Variants in SLC25A39 observed in about 807,000 individuals in gnomAD.
The protein encoded by SLC25A39 is solute carrier family 25 member 39.
In SLC25A39, 44 loss-of-function variants were observed where a neutral mutation model predicts 46.6. The ratio of observed to expected loss-of-function variants is 0.94; its 90% CI spans 0.74 to 1.21. The LOEUF is 1.21. Ranked by LOEUF, SLC25A39 falls within the 50% of genes most tolerant of loss-of-function variation. SLC25A39 has a pLI of 0.00. For synonymous variants in SLC25A39, 218 were observed against 190.6 expected, an observed-to-expected ratio of 1.14 and a Z score of -1.19; for missense variants, 487 against 473.0, an observed-to-expected ratio of 1.03 and a Z score of -0.28.
intron 5 of SLC25A39, 142 bp from the exon 6 acceptor site, chr17:44,321,909 AC>A: frequency 1.2e-6 from 1 of 803,190 alleles, no homozygotes; most frequent in Non-Finnish European, 2.0e-6. Flanking sequence ...CACATGCAGT[AC>A]CCCAGCAGCT....
Position 44,320,439 on chromosome 17 carries a change from G to A in SLC25A39, c.802-3C>T, listed in dbSNP as rs774126352. Reference sequence around the variant, plus strand: ...GGTAGAGTCAGCACTGCAGCCACCTGGTGGGGTGGGCGGGGAGAGGGCTCA... The same window carrying A: ...GGTAGAGTCAGCACTGCAGCCACCTAGTGGGGTGGGCGGGGAGAGGGCTCA... On this transcript the variant is annotated splice_region_variant and splice_polypyrimidine_tract_variant and intron_variant, in intron 9 of 11. Coordinates refer to ENST00000377095, the MANE Select transcript of SLC25A39 (RefSeq NM_001143780.3). The A allele has an allele frequency of 6.2e-7, 1 of 1,613,464 alleles. No individual in the cohort carries two copies. The highest frequency in any genetic ancestry group is 2.2e-5 in the East Asian group (1 of 44,880).
chr17:44,322,754 A>C, intron 4 of SLC25A39, 54 bp downstream of exon 4: 1 of 1,612,778 alleles, frequency 6.2e-7, no homozygotes, highest in Non-Finnish European at 8.5e-7. Context: ...GACAGGGACA[A>C]GGACTGTCTC....
chr17:44,323,448 C>CCCA (rs1567871755), intron 2 of SLC25A39, 30 bp downstream of exon 2: 15 of 1,333,798 alleles, frequency 1.1e-5, no homozygotes, highest in Admixed American at 6.8e-5. Context: ...CATCCCCACC[C>CCCA]GCCCCCACCC....
rs557074373 is a variant in SLC25A39 at position 44,321,039 on chromosome 17, C to T, written c.691+19G>A. 6.4e-7 allele frequency: 1 copy of T among 1,568,880 alleles called. No homozygotes were observed. Among genetic ancestry groups the T allele is most frequent in the African/African-American group, 1.4e-5 (1 of 73,802 alleles). ...ACCCCAGGGTTCCCTCACCCACCCCCTGCAGCTTGGGTGCCTACCTGAGAA... is the reference window on the plus strand; with the variant it reads ...ACCCCAGGGTTCCCTCACCCACCCCTTGCAGCTTGGGTGCCTACCTGAGAA... On this transcript the variant is annotated intron_variant, in intron 8 of 11. Transcript: ENST00000377095.
chr17:44,323,787 G>A lies in SLC25A39; in HGVS notation c.-15-210C>T, dbSNP rs2048139383. ...CTCCCAAGTAGCTGGGACTACAGGCGCGCACCACCACGCCTAGTTAATTTT... is the reference window on the plus strand; with the variant it reads ...CTCCCAAGTAGCTGGGACTACAGGCACGCACCACCACGCCTAGTTAATTTT... On this transcript the variant is annotated intron_variant, in intron 1 of 11. Transcript: ENST00000377095. The A allele has an allele frequency of 1.4e-5, 8 of 573,186 alleles. 1 individual carries two copies. In the South Asian group the frequency reaches 1.7e-4, roughly 12 times the overall value. 35.5% of individuals were successfully genotyped at this position (573,186 alleles called of 1,614,324 possible). A position where few individuals can be genotyped will look rare whatever the true frequency, so the allele number is the denominator to read the frequency against.
At position 44,321,523 on chromosome 17, in the gene SLC25A39, G is replaced by A; in HGVS notation, c.428C>T (p.Thr143Ile). 6.2e-7 allele frequency: 1 copy of A among 1,614,112 alleles called. No homozygotes were observed. The highest frequency in any genetic ancestry group is 8.5e-7 in the Non-Finnish European group (1 of 1,179,988). ...MTVPATAIYF[T>I]AYDQLKAFLC... The stretch of plus-strand genomic sequence containing the variant: ...GAAGGCCTTCAGTTGGTCATAGGCA[G>A]TGAAGTAGATGGCGGTAGCTGGCAC... The change falls in exon 7 of 12, where the codon ACT becomes ATT. Residue 143 changes from threonine to isoleucine, a missense_variant. By Grantham distance (89) the Thr-to-Ile change is moderately conservative (BLOSUM62 -1). Coordinates refer to ENST00000377095, the MANE Select transcript of SLC25A39 (RefSeq NM_001143780.3).
rs139302212 is a variant in SLC25A39, at chr17:44,321,550, G to A, written c.401C>T (p.Thr134Ile). The change falls in exon 7 of 12, where the codon ACT becomes ATT. Residue 134 changes from threonine (T) to isoleucine (I), a missense_variant. Transcript: ENST00000377095. ...WSGLPATLVM[T>I]VPATAIYFTA... is the part of the protein sequence containing the mutation. The stretch of plus-strand genomic sequence containing the variant: ...GAAGTAGATGGCGGTAGCTGGCACA[G>A]TCATCACCCTGGGGATACAGAGAGA... The A allele has an allele frequency of 3.1e-6, 5 of 1,614,052 alleles. No individual in the cohort carries two copies. Among genetic ancestry groups the A allele is most frequent in the East Asian group, 4.5e-5 (2 of 44,894 alleles).
chr17:44,323,439 A>AAGGCCCCCCCCCCCC, intron 2 of SLC25A39, 39 bp downstream of exon 2: 1 of 257,110 alleles, frequency 3.9e-6, no homozygotes, highest in Non-Finnish European at 5.7e-6. Flanking sequence ...GGTCTGCCCC[A>AAGGCCCCCCCCCCCC]TCCCCACCCG....
rs2048090738 is a variant in SLC25A39, at chr17:44,322,738, C to T, written c.190+70G>A. ...CCATGGCTGTGGAGCCCACTGGTGC[C>T]CTGGGGACAGGGACAAGGACTGTCT... On this transcript the variant is annotated intron_variant, in intron 4 of 11. Transcript: ENST00000377095. 1.1e-5 allele frequency: 18 copies of T among 1,607,924 alleles called. No homozygotes were observed. In the South Asian group the frequency reaches 1.8e-4, roughly 16 times the overall value.
rs757624318 is a variant in SLC25A39, at chr17:44,321,164, C to T, written c.585G>A (p.Ser195=). 6.2e-6 allele frequency: 10 copies of T among 1,612,924 alleles called. No homozygotes were observed. Among genetic ancestry groups the T allele is most frequent in the South Asian group, 2.2e-5 (2 of 91,082 alleles). Residue 195 remains serine, a synonymous_variant, in exon 8 of 12, where the codon TCG becomes TCA. Coordinates refer to ENST00000377095, the MANE Select transcript of SLC25A39 (RefSeq NM_001143780.3). ...MRTKLQAQHV[S]YRELGACVRT... ...GAACACAGGCACCCAGCTCCCGGTA[C>T]GACACATGCTGAGCCTGCAGCTTTG...
Position 44,321,070 on chromosome 17 carries a change from C to T in SLC25A39, c.679G>A (p.Val227Met), listed in dbSNP as rs2048014928. 2.5e-6 allele frequency: 4 copies of T among 1,601,162 alleles called. No homozygotes were observed. The South Asian group carries it at 3.4e-5, about 13-fold the overall frequency. Residue 227 changes from valine (V) to methionine (M), a missense_variant, in exon 8 of 12, where the codon GTG becomes ATG. Transcript: ENST00000377095. Reference protein sequence around the residue: ...LGWGPTALRDVPFSALYWFNY... With the variant: ...LGWGPTALRDMPFSALYWFNY... ...CTTGGGTGCCTACCTGAGAAGGGCACATCTCGAAGGGCAGTGGGGCCCCAG... is the reference window on the plus strand; with the variant it reads ...CTTGGGTGCCTACCTGAGAAGGGCATATCTCGAAGGGCAGTGGGGCCCCAG...
At position 44,321,217 on chromosome 17, in the gene SLC25A39, C is replaced by T. The variant is rs1310222794; in HGVS notation, c.532G>A (p.Val178Met). ...CGCATAAGCTCCAGGGGGCTGATCA[C>T]AGTCACGGTGCCCACTGTGTGGGGA... ...GALARLGTVT[V>M]ISPLELMRTK... Residue 178 changes from valine (V) to methionine (M), a missense_variant, in exon 8 of 12, where the codon GTG (valine) becomes ATG (methionine). Coordinates refer to ENST00000377095, the MANE Select transcript of SLC25A39 (RefSeq NM_001143780.3). 2 of 1,607,878 alleles carry T rather than the reference C, an allele frequency of 1.2e-6. No individual in the cohort carries two copies. Among genetic ancestry groups the T allele is most frequent in the Non-Finnish European group, 1.7e-6 (2 of 1,177,194 alleles).
rs1320610910 is a variant in SLC25A39 at position 44,320,200 on chromosome 17, A to G, written c.960T>C (p.Phe320=). The change falls in exon 11 of 12, where the codon TTT becomes TTC. Residue 320 remains phenylalanine, a synonymous_variant. Coordinates refer to ENST00000377095, the MANE Select transcript of SLC25A39 (RefSeq NM_001143780.3). ...CCCCGACACCCACACACTGACCTGC[A>G]AAGAGTCCCTTGGTGCCCGACTCGG... is the stretch of plus-strand genomic sequence containing the variant. ...IRAESGTKGL[F]AGFLPRIIKA... The G allele has an allele frequency of 3.1e-6, 5 of 1,613,826 alleles. No individual in the cohort carries two copies. Among genetic ancestry groups the G allele is most frequent in the Admixed American group, 1.7e-5 (1 of 60,000 alleles).
intron 1 of SLC25A39, chr17:44,324,474 C>T (rs2048165831): frequency 6.6e-6 from 1 of 152,286 alleles, no homozygotes; most frequent in Non-Finnish European, 1.5e-5. Context: ...AGAGCAGTCT[C>T]TGGGTTCCCG....
At chr17:44,323,613 G>A in intron 1 of SLC25A39, 36 bp from the exon 2 acceptor site, 2 of 1,453,970 alleles carry the variant, frequency 1.4e-6, no homozygotes, top group African/African-American at 1.4e-5. Context: ...ACAACTCCAG[G>A]GATGGCAGGA....
At chr17:44,323,439 A>AACCCCCCCCCCC in intron 2 of SLC25A39, 39 bp downstream of exon 2, 17 of 257,054 alleles carry the variant, frequency 6.6e-5, no homozygotes, top group Middle Eastern at 1.3e-3. Context: ...GGTCTGCCCC[A>AACCCCCCCCCCC]TCCCCACCCG....
chr17:44,320,693 G>A lies in SLC25A39; in HGVS notation c.730C>T (p.Leu244Phe), dbSNP rs1309595207. Reference sequence around the variant, plus strand: ...TGGTCCTTCGGCCTGAACCCATTGAGCCAGCTCTTCACCAGCTCATAGTTG... The same window carrying A: ...TGGTCCTTCGGCCTGAACCCATTGAACCAGCTCTTCACCAGCTCATAGTTG... ...WFNYELVKSW[L>F]NGFRPKDQTS... Residue 244 changes from leucine to phenylalanine, a missense_variant, in exon 9 of 12, where the codon CTC becomes TTC. Leu to Phe is a conservative substitution (Grantham distance 22). Transcript: ENST00000377095. 1 of 1,614,052 alleles carries A rather than the reference G, an allele frequency of 6.2e-7. No homozygotes were observed. The highest frequency in any genetic ancestry group is 2.2e-5 in the East Asian group (1 of 44,872).
At position 44,320,607 on chromosome 17, in the gene SLC25A39, GC is replaced by G. The variant is rs1164845006; in HGVS notation, c.801+14del. Reference sequence around the variant, plus strand: ...GAGACCTCCGCTGGCCTCACCTCCAGCCCAGTCCACTCACCGTCCCTGAGAT... The same window carrying G: ...GAGACCTCCGCTGGCCTCACCTCCAGCCAGTCCACTCACCGTCCCTGAGAT... On this transcript the variant is annotated intron_variant, in intron 9 of 11. Coordinates refer to ENST00000377095, the MANE Select transcript of SLC25A39 (RefSeq NM_001143780.3). The G allele has an allele frequency of 2.5e-6, 4 of 1,610,714 alleles. No individual in the cohort carries two copies. In the African/African-American group the frequency reaches 5.3e-5, roughly 22 times the overall value.
In SLC25A39 at chr17:44,321,725, G is replaced by A. The variant is rs2048046311; in HGVS notation, c.367C>T (p.Leu123Phe). 4 of 1,612,324 alleles carry A rather than the reference G, an allele frequency of 2.5e-6. No individual in the cohort carries two copies. Among genetic ancestry groups the A allele is most frequent in the Admixed American group, 1.7e-5 (1 of 59,926 alleles). The part of the protein sequence containing the change: ...KIVRHEGTRT[L>F]WSGLPATLVM... The stretch of plus-strand genomic sequence containing the variant: ...AGGGTGGCGGGGAGGCCGCTCCAGA[G>A]GGTCCTGGTGCCCTCGTGCCTCACG... Residue 123 changes from leucine to phenylalanine, a missense_variant, in exon 6 of 12, where the codon CTC becomes TTC. Coordinates refer to ENST00000377095, the MANE Select transcript of SLC25A39 (RefSeq NM_001143780.3).
Sources: gnomAD v4.1 joint callset for allele counts on GRCh38, gnomAD v4.1.1 for gene constraint, MANE v1.5 for transcripts, NCBI Gene and HGNC (gene_info 2026-07-23, HGNC 2026-07-21) for gene names.